The following GMDS variants were observed in gnomAD, a reference collection of about 807,000 sequenced individuals.
GMDS encodes the protein GDP-mannose 4,6-dehydratase.
A neutral mutation model predicts 49.9 loss-of-function variants in GMDS; 20 were observed. That is an observed-to-expected ratio of 0.40 (90% CI 0.28 to 0.58). The LOEUF (loss-of-function observed/expected upper bound fraction) is 0.58. Ranked by LOEUF, GMDS falls within the 20% of genes least tolerant of loss-of-function variation. The pLI, the probability that GMDS is intolerant of heterozygous loss-of-function variation, is 0.42. For synonymous variants in GMDS, 177 were observed against 178.6 expected (o/e 0.99, Z 0.07); for missense variants, 362 against 481.4 (o/e 0.75, Z 2.32).
At chr6:1,744,295 A>G (rs75098800) in intron 7 of GMDS, among the ~76,000 whole-genome samples, 1 of 152,282 alleles carries the variant, frequency 6.6e-6, no homozygotes, top group East Asian at 1.9e-4. Context: ...GACAATGGTA[A>G]TAGTTTCAAG....
chr6:1,954,480 C>T (rs953925712), intron 6 of GMDS, among the ~76,000 whole-genome samples: 62 of 152,358 alleles, frequency 4.1e-4, no homozygotes, highest in African/African-American at 1.3e-3. Context: ...AGCATTTACC[C>T]GCAGTAGAAT....
chr6:1,871,060 A>ACG (rs760906112), intron 7 of GMDS, among the ~76,000 whole-genome samples: 4 of 129,656 alleles, frequency 3.1e-5, no homozygotes. Context: ...ATCCCCCAGC[A>ACG]CACACACACA....
chr6:2,031,263 G>A (rs369797024), intron 4 of GMDS, among the ~76,000 whole-genome samples: 1 of 152,208 alleles, frequency 6.6e-6, no homozygotes, highest in East Asian at 1.9e-4. Context: ...CTCCACACAG[G>A]AGTGCCACTG....
chr6:1,939,923 C>A (rs767105555), intron 6 of GMDS, among the ~76,000 whole-genome samples: 4 of 152,142 alleles, frequency 2.6e-5, no homozygotes, highest in Non-Finnish European at 4.4e-5. Flanking sequence ...AAGGAAGAAA[C>A]CCTATGGGAG....
rs1027125324 is a variant in GMDS at position 1,624,481 on chromosome 6, G to C, written c.1047C>G (p.Val349=). 1 of 1,613,532 alleles carries C rather than the reference G, an allele frequency of 6.2e-7. No individual in the cohort carries two copies. Among genetic ancestry groups the C allele is most frequent in the Non-Finnish European group, 8.5e-7 (1 of 1,179,506 alleles). The part of the protein sequence containing the change: ...AKQKLNWKPR[V]AFDELVREMV... ...CCTAAGAGATACTCACATCGAAAGC[G>C]ACCCGGGGCTTCCAGTTCAGCTTCT... Residue 349 remains valine, a synonymous_variant, in exon 10 of 11, where the codon GTC becomes GTG. Transcript: ENST00000380815.
At position 1,885,498 on chromosome 6, in the gene GMDS, C is replaced by T. The variant is rs1338247051; in HGVS notation, c.771+44605G>A. ...CATGGGAGGGATATATCTAAACCGA[C>T]ATTGGCTGGAGACTACAAAGGCAAA... is the stretch of plus-strand genomic sequence containing the variant. On this transcript the variant is annotated intron_variant, in intron 7 of 10. Transcript: ENST00000380815. Among the ~76,000 whole-genome samples the T allele has an allele frequency of 3.3e-5, 5 of 152,182 alleles. No homozygotes were observed. In the East Asian group the frequency reaches 7.7e-4, roughly 23 times the overall value.
At chr6:1,923,382 A>G (rs906156537) in intron 7 of GMDS, among the ~76,000 whole-genome samples, 1 of 152,192 alleles carries the variant, frequency 6.6e-6, no homozygotes, top group Non-Finnish European at 1.5e-5. Context: ...CGAGTTGATA[A>G]CACACTGCTG....
chr6:1,740,255 C>T (rs1309094904), intron 8 of GMDS, among the ~76,000 whole-genome samples: 4 of 152,104 alleles, frequency 2.6e-5, no homozygotes, highest in South Asian at 2.1e-4. Flanking sequence ...CTAAACTATA[C>T]GTTTTAATTA....
At chr6:2,040,668 C>G (rs1266114488) in intron 4 of GMDS, among the ~76,000 whole-genome samples, 1 of 151,988 alleles carries the variant, frequency 6.6e-6, no homozygotes, top group African/African-American at 2.4e-5. Flanking sequence ...GACACATTGC[C>G]CAAAAATATG....
chr6:1,847,479 G>A lies in GMDS; in HGVS notation c.771+82624C>T, dbSNP rs983698507. 4.6e-5 allele frequency among the ~76,000 whole-genome samples: 7 copies of A among 152,142 alleles called. No individual in the cohort carries two copies. The South Asian group carries it at 6.2e-4, about 14-fold the overall frequency. On this transcript the variant is annotated intron_variant, in intron 7 of 10. Transcript: ENST00000380815. Reference sequence around the variant, plus strand: ...AAGCCTATTCAGTCTGTCTTGGAGCGGTTTTAAATACCATCACCTCAGTGG... The same window carrying A: ...AAGCCTATTCAGTCTGTCTTGGAGCAGTTTTAAATACCATCACCTCAGTGG...
chr6:1,877,102 G>A (rs897309175), intron 7 of GMDS, among the ~76,000 whole-genome samples: 6 of 151,850 alleles, frequency 4.0e-5, no homozygotes, highest in African/African-American at 1.2e-4. Flanking sequence ...TGACCACCAC[G>A]TCCCACCCGG....
chr6:1,939,130 T>C (rs369853561), intron 6 of GMDS, among the ~76,000 whole-genome samples: 2 of 152,190 alleles, frequency 1.3e-5, no homozygotes, highest in Non-Finnish European at 2.9e-5. Context: ...GACATCTTTA[T>C]TTACACATGT....
intron 1 of GMDS, among the ~76,000 whole-genome samples, chr6:2,172,994 A>G (rs1778094426): frequency 6.6e-6 from 1 of 152,228 alleles, no homozygotes; most frequent in Non-Finnish European, 1.5e-5. Flanking sequence ...AAAGTTCCAA[A>G]CAAACATAAA....
chr6:1,812,827 C>T (rs995197791), intron 7 of GMDS, among the ~76,000 whole-genome samples: 1 of 152,122 alleles, frequency 6.6e-6, no homozygotes, highest in Non-Finnish European at 1.5e-5. Context: ...ATGTAGATTT[C>T]TTAGACTTCA....
chr6:1,794,299 A>T (rs1224727270), intron 7 of GMDS, among the ~76,000 whole-genome samples: 2 of 137,652 alleles, frequency 1.5e-5, no homozygotes. Context: ...ATATTCTCTA[A>T]AATAACTTCA....
intron 8 of GMDS, among the ~76,000 whole-genome samples, chr6:1,737,465 A>T (rs1053043644): frequency 2.6e-5 from 4 of 152,020 alleles, no homozygotes; most frequent in African/African-American, 9.7e-5. Context: ...CACTAAAAAG[A>T]GCCCCAACAA....
chr6:1,756,696 G>A (rs754534852), intron 7 of GMDS, among the ~76,000 whole-genome samples: 10 of 152,208 alleles, frequency 6.6e-5, no homozygotes, highest in Non-Finnish European at 1.3e-4. Flanking sequence ...GGGCCAAGAT[G>A]GCCTCCCTCA....
chr6:1,912,072 A>G (rs1447252885), intron 7 of GMDS, among the ~76,000 whole-genome samples: 1 of 152,226 alleles, frequency 6.6e-6, no homozygotes, highest in Non-Finnish European at 1.5e-5. Flanking sequence ...ATCACTAAAA[A>G]TAAGTGATCT....
chr6:1,682,012 T>C (rs1247952238), intron 9 of GMDS, among the ~76,000 whole-genome samples: 5 of 151,612 alleles, frequency 3.3e-5, no homozygotes, highest in African/African-American at 9.7e-5. Context: ...TTTCTTAATA[T>C]GGAAAGATAT....
Sources: gnomAD v4.1 joint callset for allele counts (sites outside exome capture counted in the v4.1 genomes callset) on GRCh38, gnomAD v4.1.1 for gene constraint, MANE v1.5 for transcripts, NCBI Gene and HGNC (gene_info 2026-07-23, HGNC 2026-07-21) for gene names.